The following COPG1 variants were observed in gnomAD, a reference collection of about 807,000 sequenced individuals.
COPG1 encodes coat protein complex I subunit gamma 1, also known as coatomer subunit gamma-1.
COPG1 carries 29 observed loss-of-function variants against 102.8 expected under a neutral mutation model. The ratio of observed to expected loss-of-function variants is 0.28; its 90% CI spans 0.21 to 0.38. The LOEUF is 0.38. COPG1 is among the 10% of genes least tolerant of loss of function. The pLI is 1.00. For synonymous variants in COPG1, 406 were observed against 421.6 expected (o/e 0.96, Z 0.45); for missense variants, 875 against 1,132.7 (o/e 0.77, Z 3.27).
chr3:129,269,088 TC>T (rs1341360472), intron 18 of COPG1, 88 bp downstream of exon 18: 190 of 1,160,870 alleles, frequency 1.6e-4, no homozygotes, highest in Non-Finnish European at 2.3e-4. Flanking sequence ...TATTGGTCTC[TC>T]CTGAGTGCTA....
At chr3:129,267,603 G>C (rs1056957755) in intron 15 of COPG1, among the ~76,000 whole-genome samples, 2 of 152,094 alleles carry the variant, frequency 1.3e-5, no homozygotes, top group Admixed American at 1.3e-4. Flanking sequence ...CTGGGTGACA[G>C]AGCGAGACTC....
intron 8 of COPG1, 119 bp from the exon 9 acceptor site, chr3:129,257,350 TG>T: frequency 9.9e-7 from 1 of 1,005,738 alleles, no homozygotes; most frequent in Non-Finnish European, 1.5e-6. Flanking sequence ...CCACTCTGTG[TG>T]GTAGCTGCTA....
chr3:129,259,920 G>T (rs1055401845), intron 10 of COPG1, among the ~76,000 whole-genome samples: 1 of 152,222 alleles, frequency 6.6e-6, no homozygotes, highest in African/African-American at 2.4e-5. Context: ...GGCTTAGGCT[G>T]CAGGTGCAGG....
chr3:129,274,880 G>T lies in COPG1; in HGVS notation c.2299G>T (p.Val767Phe), dbSNP rs938993973. The change falls in exon 22 of 24, where the codon GTC becomes TTC. Residue 767 changes from valine (V) to phenylalanine (F), a missense_variant. Coordinates refer to ENST00000314797, the MANE Select transcript of COPG1 (RefSeq NM_016128.4). ...TACTGTAGCTGATCACATTCAAAAG[G>T]TCATGAAACTGAACTTCGAAGCAGC... The part of the protein sequence containing the change: ...EVTVADHIQK[V>F]MKLNFEAAWD... 6.2e-7 allele frequency: 1 copy of T among 1,614,176 alleles called. No homozygotes were observed.
chr3:129,265,284 G>T (rs1434480468), intron 13 of COPG1, among the ~76,000 whole-genome samples: 2 of 152,068 alleles, frequency 1.3e-5, no homozygotes, highest in Admixed American at 6.6e-5. Context: ...TAGTGATGGG[G>T]TCTCTCCATG....
At chr3:129,259,501 G>C (rs899173611) in intron 10 of COPG1, among the ~76,000 whole-genome samples, 10 of 148,774 alleles carry the variant, frequency 6.7e-5, no homozygotes, top group Non-Finnish European at 1.2e-4. Flanking sequence ...AAGAACTAAT[G>C]AATTCAGTCA....
chr3:129,253,780 A>C (rs1236440528), intron 5 of COPG1, among the ~76,000 whole-genome samples: 1 of 152,054 alleles, frequency 6.6e-6, no homozygotes, highest in Non-Finnish European at 1.5e-5. Context: ...TGGGTGGATC[A>C]CTTGAGGTCA....
chr3:129,270,060 C>G lies in COPG1; in HGVS notation c.1843+1060C>G, dbSNP rs565999690. Among the ~76,000 whole-genome samples the G allele has an allele frequency of 1.8e-3, 257 of 144,572 alleles. 1 individual carries two copies. Among genetic ancestry groups the G allele is most frequent in the African/African-American group, 6.3e-3 (246 of 39,346 alleles). 94.8% of individuals were successfully genotyped at this position (144,572 alleles called of 152,430 possible). ...GGCCACACTCCTGGCCTTTTCAAAT[C>G]TCTCTACTCTGACCTTCTGCCCTAG... On this transcript the variant is annotated intron_variant, in intron 18 of 23. Transcript: ENST00000314797.
intron 14 of COPG1, among the ~76,000 whole-genome samples, 183 bp downstream of exon 14, chr3:129,265,975 T>A (rs1940049922): frequency 7.7e-6 from 1 of 129,552 alleles, no homozygotes; most frequent in Admixed American, 8.1e-5. Context: ...TTGTTTTTTG[T>A]TTTGTTTTTT....
At chr3:129,265,481 C>T (rs1366312910) in intron 13 of COPG1, 68 bp from the exon 14 acceptor site, 1 of 1,574,090 alleles carries the variant, frequency 6.4e-7, no homozygotes, top group Admixed American at 1.8e-5. Flanking sequence ...TGTCCTTGGT[C>T]CAGCTCAGGT....
At chr3:129,269,058 C>G in intron 18 of COPG1, 58 bp downstream of exon 18, 1 of 1,444,118 alleles carries the variant, frequency 6.9e-7, no homozygotes, top group Non-Finnish European at 9.7e-7. Context: ...TCAGGGGGTT[C>G]AAGAGTAAGA....
intron 12 of COPG1, among the ~76,000 whole-genome samples, chr3:129,261,862 T>G (rs1218810478): frequency 6.6e-6 from 1 of 152,252 alleles, no homozygotes; most frequent in Non-Finnish European, 1.5e-5. Context: ...TCAGGCCCAT[T>G]CCTACCTCTC....
chr3:129,250,804 A>C, intron 2 of COPG1, 70 bp downstream of exon 2: 1 of 1,340,016 alleles, frequency 7.5e-7, no homozygotes, highest in Non-Finnish European at 1.1e-6. Context: ...AAATACCAAC[A>C]CATTCAAAGT....
At chr3:129,264,979 G>A (rs1430588205) in intron 13 of COPG1, among the ~76,000 whole-genome samples, 5 of 151,762 alleles carry the variant, frequency 3.3e-5, no homozygotes, top group African/African-American at 7.3e-5. Flanking sequence ...CCCCCACCAC[G>A]CCCGGCTAAT....
At chr3:129,252,006 G>A (rs1939709699) in intron 2 of COPG1, among the ~76,000 whole-genome samples, 1 of 152,170 alleles carries the variant, frequency 6.6e-6, no homozygotes, top group Non-Finnish European at 1.5e-5. Flanking sequence ...TATTGTTGTC[G>A]TTCATTGTTT....
chr3:129,263,026 AAAAAAAAAAGAGTCCTTCTG>A (rs1410580964), intron 12 of COPG1, among the ~76,000 whole-genome samples: 2 of 144,798 alleles, frequency 1.4e-5, no homozygotes, highest in African/African-American at 5.7e-5. Context: ...AAAAAAAAAA[AAAAAAAAAAGAGTCCTTCTG>A]GAGCAGAGTG....
chr3:129,257,698 T>G, intron 9 of COPG1, 29 bp from the exon 10 acceptor site: 1 of 1,613,196 alleles, frequency 6.2e-7, no homozygotes, highest in Non-Finnish European at 8.5e-7. Context: ...ACCCCCAACG[T>G]TTTCTTGCCA....
chr3:129,260,292 C>T (rs374818510), intron 10 of COPG1, 41 bp from the exon 11 acceptor site: 19 of 1,589,758 alleles, frequency 1.2e-5, no homozygotes, highest in Non-Finnish European at 1.6e-5. Flanking sequence ...AGCTGCCCAG[C>T]AGTGAAGGCA....
chr3:129,256,703 G>A (rs1031223771), intron 8 of COPG1, among the ~76,000 whole-genome samples: 1 of 152,186 alleles, frequency 6.6e-6, no homozygotes, highest in African/African-American at 2.4e-5. Context: ...GCCTATCGGC[G>A]CTCCCTGTGT....
Sources: gnomAD v4.1 joint callset for allele counts (sites outside exome capture counted in the v4.1 genomes callset) on GRCh38, gnomAD v4.1.1 for gene constraint, MANE v1.5 for transcripts, NCBI Gene and HGNC (gene_info 2026-07-23, HGNC 2026-07-21) for gene names.